Variants in ADAP1 observed in about 807,000 individuals in gnomAD.
ADAP1 encodes arf-GAP with dual PH domain-containing protein 1.
A neutral mutation model predicts 54.9 loss-of-function variants in ADAP1; 31 were observed. The ratio of observed to expected loss-of-function variants is 0.56; its 90% CI spans 0.42 to 0.76. The LOEUF (loss-of-function observed/expected upper bound fraction) is 0.76. Among genes scored for constraint, ADAP1 ranks in the 30% least tolerant of loss-of-function variants. ADAP1 has a pLI of 0.00. For synonymous variants in ADAP1, 313 were observed against 202.6 expected, an observed-to-expected ratio of 1.55 and a Z score of -4.63; for missense variants, 535 against 512.4, an observed-to-expected ratio of 1.04 and a Z score of -0.42.
chr7:948,237 C>A (rs943785918), intron 1 of ADAP1, among the ~76,000 whole-genome samples: 1 of 151,980 alleles, frequency 6.6e-6, no homozygotes, highest in African/African-American at 2.4e-5. Flanking sequence ...CCCCCTTGCC[C>A]GGGTGGGATC....
chr7:955,025 G>A (rs1205811233), upstream of ADAP1, among the ~76,000 whole-genome samples: 1 of 152,206 alleles, frequency 6.6e-6, no homozygotes, highest in Non-Finnish European at 1.5e-5. Context: ...TGGAAGGCAG[G>A]TGTGCGTGTC....
At chr7:901,615 A>C (rs1844818289) in intron 6 of ADAP1, among the ~76,000 whole-genome samples, 3 of 151,914 alleles carry the variant, frequency 2.0e-5, no homozygotes, top group Admixed American at 1.3e-4. Context: ...GTCCTCTTCC[A>C]GTGGCCCCAC....
chr7:942,805 A>T (rs867157197), intron 1 of ADAP1, among the ~76,000 whole-genome samples: 49 of 2,904 alleles, frequency 0.017, 4 homozygotes, highest in Middle Eastern at 0.5. Flanking sequence ...AGGAAGGGAG[A>T]GAGGAGGAGG....
rs1846157748 is a variant in ADAP1, at chr7:920,668, T to C, written c.306-618A>G. 1 of 834,076 alleles carries C rather than the reference T, an allele frequency of 1.2e-6. No individual in the cohort carries two copies. Among genetic ancestry groups the C allele is most frequent in the Admixed American group, 2.9e-5 (1 of 34,380 alleles). 51.7% of individuals were successfully genotyped at this position (834,076 alleles called of 1,614,324 possible). The stretch of plus-strand genomic sequence containing the variant: ...CCCAAGAATCCAGGAAGACCCGGGA[T>C]GAGGAGAAGCCCCCGAGAGTAAAGC... On this transcript the variant is annotated intron_variant, in intron 3 of 10. Coordinates refer to ENST00000265846, the MANE Select transcript of ADAP1 (RefSeq NM_006869.4). This position sits in a 1 kb window ranked among gnomAD's most constrained non-coding sequence, Gnocchi z 4.5.
Position 916,937 on chromosome 7 carries a change from C to T in ADAP1, c.388+3031G>A, listed in dbSNP as rs539403278. Among the ~76,000 whole-genome samples the T allele has an allele frequency of 2.5e-3, 374 of 149,974 alleles. 2 individuals carry two copies. Among genetic ancestry groups the T allele is most frequent in the African/African-American group, 9.0e-3 (364 of 40,584 alleles). The stretch of plus-strand genomic sequence containing the variant: ...TCCTGACAGAGCCCAGGGAGGTGCA[C>T]GGGAGGGGGGCGCAGTGCCAGCTCT... On this transcript the variant is annotated intron_variant, in intron 4 of 10. Coordinates refer to ENST00000265846, the MANE Select transcript of ADAP1 (RefSeq NM_006869.4).
intron 4 of ADAP1, among the ~76,000 whole-genome samples, chr7:913,507 T>A (rs960035895): frequency 6.6e-6 from 1 of 152,134 alleles, no homozygotes; most frequent in Non-Finnish European, 1.5e-5. Context: ...GGTCCTCCCC[T>A]TTCTCTTTAC....
intron 4 of ADAP1, among the ~76,000 whole-genome samples, chr7:912,360 C>G: frequency 6.6e-6 from 1 of 152,180 alleles, no homozygotes; most frequent in East Asian, 1.9e-4. Flanking sequence ...GTGGGAGCAG[C>G]TGTCACCAGG....
Position 945,798 on chromosome 7 carries a change from C to A in ADAP1, c.82+8598G>T. 1.0e-6 allele frequency: 1 copy of A among 985,630 alleles called. No individual in the cohort carries two copies. Among genetic ancestry groups the A allele is most frequent in the Non-Finnish European group, 1.2e-6 (1 of 830,028 alleles). The allele number at this position is 985,630 out of a possible 1,614,324, so 61.1% of individuals were successfully genotyped here. A position where few individuals can be genotyped will look rare whatever the true frequency, so the allele number is the denominator to read the frequency against. Reference sequence around the variant, plus strand: ...ACGCCCGAGGTGACTCAGCCGCTCACCATTTCCGGAGCTGGTCTGGGGCAC... The same window carrying A: ...ACGCCCGAGGTGACTCAGCCGCTCAACATTTCCGGAGCTGGTCTGGGGCAC... On this transcript the variant is annotated intron_variant, in intron 1 of 10. Coordinates refer to ENST00000265846, the MANE Select transcript of ADAP1 (RefSeq NM_006869.4). The surrounding 1 kb of genome is among the most constrained non-coding windows in gnomAD (Gnocchi z 4.2).
At chr7:933,014 G>A (rs1846632290) in intron 2 of ADAP1, among the ~76,000 whole-genome samples, 1 of 152,190 alleles carries the variant, frequency 6.6e-6, no homozygotes, top group African/African-American at 2.4e-5. Flanking sequence ...GCTCACGCCT[G>A]TCATCCCAGC....
At chr7:941,128 C>A (rs1416637752) in intron 1 of ADAP1, among the ~76,000 whole-genome samples, 1 of 152,106 alleles carries the variant, frequency 6.6e-6, no homozygotes, top group Non-Finnish European at 1.5e-5. Context: ...TGATAAAACT[C>A]TCAGAAAACT....
At chr7:912,820 C>G (rs1845778873) in intron 4 of ADAP1, among the ~76,000 whole-genome samples, 1 of 152,098 alleles carries the variant, frequency 6.6e-6, no homozygotes, top group Non-Finnish European at 1.5e-5. Flanking sequence ...CCTGTCTCAG[C>G]CTCCTGAGTA....
At chr7:943,226 G>A (rs1469314444) in intron 1 of ADAP1, among the ~76,000 whole-genome samples, 30 of 49,838 alleles carry the variant, frequency 6.0e-4, no homozygotes, top group African/African-American at 2.7e-3. Context: ...GGAAGAGAGA[G>A]GAGGAGGAAG....
intron 4 of ADAP1, among the ~76,000 whole-genome samples, chr7:911,985 C>T (rs982341920): frequency 3.3e-5 from 5 of 152,190 alleles, no homozygotes; most frequent in African/African-American, 1.2e-4. Context: ...GCGCTGCCTG[C>T]GAGGAACGGC....
rs1846855084 is a variant in ADAP1, at chr7:938,767, G to A, written c.83-3262C>T. Among the ~76,000 whole-genome samples, 1 of 152,222 alleles carries A rather than the reference G, an allele frequency of 6.6e-6. No homozygotes were observed. The highest frequency in any genetic ancestry group is 6.5e-5 in the Admixed American group (1 of 15,284). On this transcript the variant is annotated intron_variant, in intron 1 of 10. Coordinates refer to ENST00000265846, the MANE Select transcript of ADAP1 (RefSeq NM_006869.4). This position sits in a 1 kb window ranked among gnomAD's most constrained non-coding sequence, Gnocchi z 4.4. ...AACATCACCGCTCGGGGTGCAGTGG[G>A]GGGCCCTCCTTCTCACCGCATGGCA... is the stretch of plus-strand genomic sequence containing the variant.
chr7:943,844 AGGAG>A (rs1236302428), intron 1 of ADAP1, among the ~76,000 whole-genome samples: 1 of 148,190 alleles, frequency 6.7e-6, no homozygotes, highest in Non-Finnish European at 1.5e-5. Context: ...GGAAGGGAGG[AGGAG>A]GAAGGGAGAG....
Position 920,748 on chromosome 7 carries a change from C to A in ADAP1, c.306-698G>T, listed in dbSNP as rs771228803. 3.9e-6 allele frequency: 6 copies of A among 1,533,924 alleles called. No individual in the cohort carries two copies. The East Asian group carries it at 1.2e-4, about 31-fold the overall frequency. On this transcript the variant is annotated intron_variant, in intron 3 of 10. Transcript: ENST00000265846. This position sits in a 1 kb window ranked among gnomAD's most constrained non-coding sequence, Gnocchi z 4.5. ...TGAGCCCAGACATCCCTGCCCAGAG[C>A]CACCCACCACGGCCTCCCCATCCAC...
chr7:954,564 C>G lies in ADAP1; in HGVS notation c.-87G>C. The G allele has an allele frequency of 2.0e-6, 2 of 988,662 alleles. No individual in the cohort carries two copies. Among genetic ancestry groups the G allele is most frequent in the Non-Finnish European group, 2.4e-6 (2 of 833,360 alleles). 61.2% of individuals were successfully genotyped at this position (988,662 alleles called of 1,614,324 possible). ...CTAGGGCCCCGCGCAGGCCGCCCGC[C>G]GCCGCCGCCCCTGCGCCATCCCGGG... On this transcript the variant is annotated 5_prime_UTR_variant, in exon 1 of 11. Coordinates refer to ENST00000265846, the MANE Select transcript of ADAP1 (RefSeq NM_006869.4).
intron 4 of ADAP1, among the ~76,000 whole-genome samples, chr7:911,486 C>T (rs1017925389): frequency 4.5e-4 from 68 of 152,222 alleles, no homozygotes; most frequent in African/African-American, 1.5e-3. Context: ...GGGGCCCCAG[C>T]GCCCAAGAAC....
intron 5 of ADAP1, 144 bp downstream of exon 5, chr7:904,916 A>G (rs1185742733): frequency 4.2e-6 from 3 of 716,726 alleles, no homozygotes; most frequent in Non-Finnish European, 7.1e-6. Flanking sequence ...AGCCCAACAC[A>G]GGCCGGTTCT....
Sources: allele counts gnomAD v4.1 joint callset (sites outside exome capture counted in the v4.1 genomes callset), GRCh38; gene constraint gnomAD v4.1.1; non-coding constraint Gnocchi (gnomAD v3.1); transcripts MANE v1.5; gene names NCBI Gene and HGNC (gene_info 2026-07-23, HGNC 2026-07-21).